Variants in GDAP1 observed in about 807,000 individuals in gnomAD.
GDAP1 encodes the protein ganglioside induced differentiation associated protein 1.
In GDAP1, 34 loss-of-function variants were observed where a neutral mutation model predicts 40.1. The observed-to-expected ratio is 0.85, with a 90% CI of 0.64 to 1.13. The LOEUF is 1.13. Among genes scored for constraint, GDAP1 ranks in the 50% most tolerant of loss-of-function variants. The probability of loss-of-function intolerance (pLI) is 0.00; values close to 1 mark genes in which losing one functional copy is unlikely to be tolerated. For missense variants in GDAP1, 374 were observed against 433.7 expected (o/e 0.86, Z 1.22); for synonymous variants, 170 against 157.4 (o/e 1.08, Z -0.60).
At chr8:74,413,194 A>G (rs935729418) in intron 2 of GDAP1, among the ~76,000 whole-genome samples, 1 of 149,796 alleles carries the variant, frequency 6.7e-6, no homozygotes, top group African/African-American at 2.6e-5. Context: ...TGAAGTAAGC[A>G]TGCTTCCCCT....
intron 2 of GDAP1, among the ~76,000 whole-genome samples, chr8:74,411,364 G>A (rs373580279): frequency 6.7e-6 from 1 of 149,572 alleles, no homozygotes; most frequent in East Asian, 1.9e-4. Flanking sequence ...TTTGACTCTT[G>A]ATTCTGTGTA....
At chr8:74,391,947 T>C (rs1385147431) in intron 2 of GDAP1, among the ~76,000 whole-genome samples, 1 of 152,096 alleles carries the variant, frequency 6.6e-6, no homozygotes, top group East Asian at 1.9e-4. Context: ...GCCTCCCAAG[T>C]AGCTGGGATT....
chr8:74,395,369 G>A (rs1275438991), intron 2 of GDAP1, among the ~76,000 whole-genome samples: 2 of 152,092 alleles, frequency 1.3e-5, no homozygotes, highest in African/African-American at 4.8e-5. Flanking sequence ...TAAACACCTG[G>A]ATATTAAACA....
intron 2 of GDAP1, among the ~76,000 whole-genome samples, chr8:74,374,760 C>G (rs1407914153): frequency 1.3e-5 from 2 of 151,972 alleles, no homozygotes; most frequent in Admixed American, 6.6e-5. Flanking sequence ...TGACAAATTT[C>G]TTGAAAAATA....
chr8:74,416,072 T>C (rs1318281892), intron 2 of GDAP1, among the ~76,000 whole-genome samples: 3 of 149,902 alleles, frequency 2.0e-5, no homozygotes, highest in East Asian at 3.9e-4. Flanking sequence ...CCTAACTAGC[T>C]GCTGCTAGCG....
chr8:74,356,488 T>A (rs1809095837), intron 2 of GDAP1, among the ~76,000 whole-genome samples: 1 of 152,022 alleles, frequency 6.6e-6, no homozygotes, highest in Non-Finnish European at 1.5e-5. Context: ...AAATCCTGGA[T>A]GCATACAGTG....
chr8:74,404,883 C>T (rs1184787698), intron 2 of GDAP1, among the ~76,000 whole-genome samples: 4 of 149,920 alleles, frequency 2.7e-5, no homozygotes, highest in African/African-American at 1.0e-4. Context: ...TTCAAAGATG[C>T]TCATGTCTTA....
downstream of GDAP1, among the ~76,000 whole-genome samples, chr8:74,370,903 A>G (rs148865199): frequency 9.8e-5 from 15 of 152,368 alleles, no homozygotes; most frequent in African/African-American, 3.1e-4. Flanking sequence ...ATGAATCACA[A>G]AAGAATTTAT....
At chr8:74,478,545 C>A (rs1420816484) in intron 2 of GDAP1, among the ~76,000 whole-genome samples, 2 of 152,216 alleles carry the variant, frequency 1.3e-5, no homozygotes, top group South Asian at 4.1e-4. Context: ...CCAGGAGATG[C>A]CAGCAGACTG....
intron 2 of GDAP1, among the ~76,000 whole-genome samples, chr8:74,443,386 G>T (rs1806185395): frequency 6.6e-6 from 1 of 152,170 alleles, no homozygotes; most frequent in African/African-American, 2.4e-5. Flanking sequence ...TTCTTTAAAA[G>T]ATGATGGTGA....
intron 2 of GDAP1, among the ~76,000 whole-genome samples, chr8:74,464,919 C>T (rs1806449087): frequency 6.6e-6 from 1 of 152,122 alleles, no homozygotes; most frequent in South Asian, 2.1e-4. Context: ...AAATTTAAAA[C>T]ATCTAAACTT....
At chr8:74,412,797 G>A (rs771430496) in intron 2 of GDAP1, among the ~76,000 whole-genome samples, 3 of 149,416 alleles carry the variant, frequency 2.0e-5, no homozygotes, top group Non-Finnish European at 4.4e-5. Flanking sequence ...GGTGGCTCAC[G>A]CCTGTAATCC....
In GDAP1 at chr8:74,480,632, AC is replaced by A. The variant is rs567335737; in HGVS notation, c.166-8045del. Among the ~76,000 whole-genome samples the A allele has an allele frequency of 3.3e-4, 50 of 152,340 alleles. No homozygotes were observed. In the East Asian group the frequency reaches 9.4e-3, roughly 29 times the overall value. On this transcript the variant is annotated intron_variant, in intron 2 of 2. Transcript: ENST00000523640. ...CCTTACAGAAGCTCCTAGCTTCCTT[AC>A]TGTCTTCCTCTATCTATGTGTTGGT...
chr8:74,396,770 G>A (rs532964357), intron 2 of GDAP1, among the ~76,000 whole-genome samples: 3 of 152,252 alleles, frequency 2.0e-5, no homozygotes, highest in Admixed American at 2.0e-4. Flanking sequence ...GGACATTTGG[G>A]TTGGTTCCAA....
chr8:74,430,649 A>G (rs1324991975), intron 2 of GDAP1, among the ~76,000 whole-genome samples: 1 of 152,168 alleles, frequency 6.6e-6, no homozygotes, highest in Non-Finnish European at 1.5e-5. Context: ...GAATAGGCAC[A>G]GAAGTGAATT....
exon 3 of GDAP1, chr8:74,488,713 C>G (rs1264561992): frequency 6.6e-6 from 1 of 152,144 alleles, no homozygotes; most frequent in Non-Finnish European, 1.5e-5. Flanking sequence ...AAGAACAGCT[C>G]ACCTGGTGCC....
At chr8:74,488,491 C>T (rs1302953592) in intron 2 of GDAP1, among the ~76,000 whole-genome samples, 1 of 152,108 alleles carries the variant, frequency 6.6e-6, no homozygotes, top group East Asian at 1.9e-4. Flanking sequence ...ACAAATATGG[C>T]TGTGGTTTCT....
At chr8:74,402,898 T>G (rs1262566974) in intron 2 of GDAP1, among the ~76,000 whole-genome samples, 3 of 148,702 alleles carry the variant, frequency 2.0e-5, no homozygotes, top group Non-Finnish European at 4.4e-5. Context: ...CTTATTCTTT[T>G]GTTGTTGTTG....
intron 2 of GDAP1, among the ~76,000 whole-genome samples, chr8:74,373,608 A>G (rs1353558645): frequency 6.6e-6 from 1 of 152,220 alleles, no homozygotes. Flanking sequence ...CATTGATTTT[A>G]TATCCTCAGA....
Sources: gnomAD v4.1 joint callset for allele counts (sites outside exome capture counted in the v4.1 genomes callset) on GRCh38, gnomAD v4.1.1 for gene constraint, MANE v1.5 for transcripts, NCBI Gene and HGNC (gene_info 2026-07-23, HGNC 2026-07-21) for gene names.